Variants in HS3ST4 observed in about 807,000 individuals in gnomAD.
HS3ST4 encodes heparan sulfate glucosamine 3-O-sulfotransferase 4.
A neutral mutation model predicts 29.2 loss-of-function variants in HS3ST4; 17 were observed. The observed-to-expected ratio is 0.58, with a 90% CI of 0.40 to 0.87. The LOEUF (loss-of-function observed/expected upper bound fraction) is 0.87. HS3ST4 is among the 40% of genes least tolerant of loss of function. The probability of loss-of-function intolerance (pLI) is 0.00; values close to 1 mark genes in which losing one functional copy is unlikely to be tolerated. For synonymous variants in HS3ST4, 314 were observed against 285.7 expected (o/e 1.10, Z -1.00); for missense variants, 627 against 634.5 (o/e 0.99, Z 0.13).
At chr16:25,866,848 T>A (rs1486269133) in intron 1 of HS3ST4, among the ~76,000 whole-genome samples, 2 of 152,080 alleles carry the variant, frequency 1.3e-5, no homozygotes, top group Non-Finnish European at 2.9e-5. Flanking sequence ...AACATTTGCC[T>A]ATTTTTTAAA....
At chr16:25,725,031 CT>C (rs1966522736) in intron 1 of HS3ST4, among the ~76,000 whole-genome samples, 2 of 84,390 alleles carry the variant, frequency 2.4e-5, no homozygotes, top group African/African-American at 8.2e-5. Context: ...TCCTTCCTCC[CT>C]CTTTTTTTTT....
intron 1 of HS3ST4, among the ~76,000 whole-genome samples, chr16:26,086,161 A>G (rs1048062748): frequency 2.0e-4 from 31 of 151,866 alleles, no homozygotes; most frequent in African/African-American, 7.3e-4. Context: ...TGCTCAAATG[A>G]CACCTCTCCA....
chr16:26,134,284 A>T (rs1898248811), intron 1 of HS3ST4, among the ~76,000 whole-genome samples: 1 of 151,660 alleles, frequency 6.6e-6, no homozygotes, highest in African/African-American at 2.4e-5. Flanking sequence ...AGCCATACCT[A>T]TGCTAGATCT....
chr16:25,927,548 A>G (rs1191112723), intron 1 of HS3ST4, among the ~76,000 whole-genome samples: 2 of 152,140 alleles, frequency 1.3e-5, no homozygotes, highest in Non-Finnish European at 2.9e-5. Flanking sequence ...AAGAAACTTA[A>G]ATGCCTGTGT....
chr16:25,956,409 G>C (rs1968733077), intron 1 of HS3ST4, among the ~76,000 whole-genome samples: 1 of 152,162 alleles, frequency 6.6e-6, no homozygotes, highest in African/African-American at 2.4e-5. Context: ...ACAAGACAAG[G>C]ATGCCCCTTT....
At chr16:25,761,475 G>A (rs1966788324) in intron 1 of HS3ST4, among the ~76,000 whole-genome samples, 1 of 152,174 alleles carries the variant, frequency 6.6e-6, no homozygotes, top group African/African-American at 2.4e-5. Flanking sequence ...CATAGTCCTG[G>A]ACAGTCAACC....
chr16:25,939,717 C>T (rs547476241), intron 1 of HS3ST4, among the ~76,000 whole-genome samples: 1 of 152,238 alleles, frequency 6.6e-6, no homozygotes, highest in East Asian at 1.9e-4. Flanking sequence ...CCTCTTTGCA[C>T]TGCTCAGGCT....
At chr16:26,075,157 C>T (rs1022319419) in intron 1 of HS3ST4, among the ~76,000 whole-genome samples, 4 of 152,294 alleles carry the variant, frequency 2.6e-5, no homozygotes, top group East Asian at 3.9e-4. Flanking sequence ...GGTGCCAGTG[C>T]ACTCCAGCCC....
chr16:25,809,430 G>A (rs1461581542), intron 1 of HS3ST4, among the ~76,000 whole-genome samples: 2 of 152,086 alleles, frequency 1.3e-5, no homozygotes, highest in Non-Finnish European at 1.5e-5. Context: ...CTAACATTTT[G>A]TTAAGAATTT....
At chr16:26,008,945 G>A (rs183039493) in intron 1 of HS3ST4, among the ~76,000 whole-genome samples, 134 of 152,298 alleles carry the variant, frequency 8.8e-4, no homozygotes, top group Non-Finnish European at 1.5e-3. Flanking sequence ...CAGCACCCAC[G>A]CCTAGCATGC....
At chr16:26,064,626 T>G (rs1224264535) in intron 1 of HS3ST4, among the ~76,000 whole-genome samples, 1 of 148,774 alleles carries the variant, frequency 6.7e-6, no homozygotes, top group African/African-American at 2.5e-5. Context: ...TTTTTTTTTT[T>G]TTTTTTTTGA....
chr16:26,058,722 G>A (rs182527807), intron 1 of HS3ST4, among the ~76,000 whole-genome samples: 1 of 152,284 alleles, frequency 6.6e-6, no homozygotes, highest in African/African-American at 2.4e-5. Context: ...TGTTCCACAG[G>A]GAAGCAGATA....
chr16:25,841,980 G>T (rs1967418066), intron 1 of HS3ST4, among the ~76,000 whole-genome samples: 1 of 152,206 alleles, frequency 6.6e-6, no homozygotes, highest in African/African-American at 2.4e-5. Context: ...TTATTCTTGA[G>T]TACTCAGCAC....
chr16:25,969,759 G>C (rs1269934721), intron 1 of HS3ST4, among the ~76,000 whole-genome samples: 3 of 152,220 alleles, frequency 2.0e-5, no homozygotes, highest in Non-Finnish European at 4.4e-5. Context: ...AAGGGAAAAT[G>C]AAGGGCCGCC....
intron 1 of HS3ST4, among the ~76,000 whole-genome samples, chr16:25,730,696 TCTTC>T (rs1311125877): frequency 5.5e-5 from 8 of 144,610 alleles, no homozygotes; most frequent in African/African-American, 7.7e-5. Flanking sequence ...CTCTCTCCCT[TCTTC>T]CTTCCTTCCG....
Position 26,028,954 on chromosome 16 carries a change from T to A in HS3ST4, c.735-106658T>A, listed in dbSNP as rs548930014. On this transcript the variant is annotated intron_variant, in intron 1 of 1. Transcript: ENST00000331351. ...CCTGAACATACCCGATCTCGTCTGA[T>A]CTTGGAAACTAAGCAGGGTCAGGCC... The A allele has an allele frequency of 3.3e-5, 5 of 152,364 alleles. 1 individual carries two copies. Among genetic ancestry groups the A allele is most frequent in the Admixed American group, 3.3e-4 (5 of 15,296 alleles). The allele number at this position is 152,364 out of a possible 1,614,324, so 9.4% of individuals were successfully genotyped here.
chr16:25,797,135 G>A (rs1446392858), intron 1 of HS3ST4, among the ~76,000 whole-genome samples: 2 of 152,108 alleles, frequency 1.3e-5, no homozygotes, highest in South Asian at 2.1e-4. Context: ...TGCATGCCGC[G>A]TCCAAAATAT....
At chr16:25,868,064 G>C (rs1363028764) in intron 1 of HS3ST4, among the ~76,000 whole-genome samples, 3 of 152,050 alleles carry the variant, frequency 2.0e-5, no homozygotes, top group Non-Finnish European at 4.4e-5. Context: ...GGCAATAAAG[G>C]CCCTAGGATA....
intron 1 of HS3ST4, among the ~76,000 whole-genome samples, chr16:26,009,942 T>C (rs973052973): frequency 6.6e-6 from 1 of 152,208 alleles, no homozygotes; most frequent in Non-Finnish European, 1.5e-5. Flanking sequence ...AGCTTTTCAC[T>C]GTAGCCTAAG....
Sources: gnomAD v4.1 joint callset for allele counts (sites outside exome capture counted in the v4.1 genomes callset) on GRCh38, gnomAD v4.1.1 for gene constraint, MANE v1.5 for transcripts, NCBI Gene and HGNC (gene_info 2026-07-23, HGNC 2026-07-21) for gene names.